The following DNAH14 variants were observed in gnomAD, a reference collection of about 807,000 sequenced individuals.
The protein encoded by DNAH14 is axonemal beta dynein heavy chain 14.
Under a neutral mutation model 520.9 loss-of-function variants are expected in DNAH14, and 478 were observed. That is an observed-to-expected ratio of 0.92 (90% CI 0.85 to 0.99). The LOEUF (loss-of-function observed/expected upper bound fraction) is 0.99. Ranked by LOEUF, DNAH14 falls within the 50% of genes least tolerant of loss-of-function variation. The pLI is 0.00. For synonymous variants in DNAH14, 1,581 were observed against 1,757.2 expected (o/e 0.90, Z 2.51); for missense variants, 4,831 against 5,234.5 (o/e 0.92, Z 2.38).
chr1:224,980,038 T>C (rs2062151262), intron 8 of DNAH14, among the ~76,000 whole-genome samples: 1 of 152,126 alleles, frequency 6.6e-6, no homozygotes, highest in Non-Finnish European at 1.5e-5. Flanking sequence ...ACATGCTGGC[T>C]TCAGGTGAGA....
At chr1:225,035,831 A>G (rs2449304) in intron 11 of DNAH14, among the ~76,000 whole-genome samples, 112,333 of 152,038 alleles carry the variant, frequency 0.74, 44,376 homozygotes, top group Non-Finnish European at 0.88. Context: ...TGTTCTGTAA[A>G]TATCTATTAG....
At chr1:225,352,611 T>C (rs1166674085) in intron 72 of DNAH14, among the ~76,000 whole-genome samples, 1 of 152,128 alleles carries the variant, frequency 6.6e-6, no homozygotes, top group Non-Finnish European at 1.5e-5. Flanking sequence ...CCATTTTCCA[T>C]AGGAGTATTG....
intron 1 of DNAH14, among the ~76,000 whole-genome samples, chr1:224,944,215 C>T (rs960805167): frequency 6.6e-6 from 1 of 152,178 alleles, no homozygotes; most frequent in Non-Finnish European, 1.5e-5. Context: ...ATAGTTAGCT[C>T]TTCTTGTTGA....
chr1:225,011,894 C>G (rs188047370), intron 10 of DNAH14, among the ~76,000 whole-genome samples: 266 of 150,664 alleles, frequency 1.8e-3, no homozygotes, highest in Non-Finnish European at 2.9e-3. Flanking sequence ...TGGATCTTGA[C>G]TCTTTATCTG....
chr1:225,257,814 CGT>C (rs923225502), intron 44 of DNAH14, 144 bp from the exon 45 acceptor site: 7 of 605,806 alleles, frequency 1.2e-5, no homozygotes, highest in Non-Finnish European at 1.8e-5. Context: ...GGATTACAGG[CGT>C]GAGCCACCGT....
At chr1:225,200,476 T>C (rs1259486575) in intron 38 of DNAH14, among the ~76,000 whole-genome samples, 1 of 152,138 alleles carries the variant, frequency 6.6e-6, no homozygotes, top group Non-Finnish European at 1.5e-5. Flanking sequence ...TTTTGATGTT[T>C]TTCCAGGATT....
chr1:225,183,904 C>T (rs890924993), intron 36 of DNAH14, among the ~76,000 whole-genome samples: 10 of 151,998 alleles, frequency 6.6e-5, no homozygotes, highest in African/African-American at 2.4e-4. Flanking sequence ...AGACCCACAA[C>T]ACGTTCCAAA....
intron 73 of DNAH14, among the ~76,000 whole-genome samples, chr1:225,354,927 C>T (rs1212931354): frequency 6.6e-6 from 1 of 152,158 alleles, no homozygotes; most frequent in Non-Finnish European, 1.5e-5. Context: ...CAAAATATGA[C>T]TGCATCTGGC....
intron 1 of DNAH14, among the ~76,000 whole-genome samples, chr1:224,939,473 A>G (rs2059263437): frequency 6.6e-6 from 1 of 152,156 alleles, no homozygotes; most frequent in Non-Finnish European, 1.5e-5. Flanking sequence ...GATTGAGACC[A>G]TCCTGGCTAA....
At chr1:225,120,700 G>A (rs549704256) in intron 26 of DNAH14, among the ~76,000 whole-genome samples, 1 of 152,192 alleles carries the variant, frequency 6.6e-6, no homozygotes, top group Non-Finnish European at 1.5e-5. Context: ...TGCAGTTTCA[G>A]TCTTACCCCT....
chr1:225,235,401 A>G (rs590598), intron 42 of DNAH14, among the ~76,000 whole-genome samples: 31,584 of 152,056 alleles, frequency 0.21, 3,464 homozygotes, highest in East Asian at 0.37. Flanking sequence ...CAGCTTGATT[A>G]TGGTGGATAA....
intron 1 of DNAH14, among the ~76,000 whole-genome samples, chr1:224,950,407 A>G (rs927472041): frequency 1.3e-5 from 2 of 152,224 alleles, no homozygotes; most frequent in Non-Finnish European, 2.9e-5. Flanking sequence ...TTGACTCTGT[A>G]TAAAATTCTT....
chr1:224,976,534 A>G (rs1336851392), intron 8 of DNAH14, among the ~76,000 whole-genome samples: 1 of 152,228 alleles, frequency 6.6e-6, no homozygotes, highest in African/African-American at 2.4e-5. Flanking sequence ...AGAAACTACC[A>G]TCAAAGTGAA....
At position 225,351,697 on chromosome 1, in the gene DNAH14, A is replaced by C. The variant is rs560876409; in HGVS notation, c.11347A>C (p.Arg3783=). The change falls in exon 72 of 86, where the codon AGG becomes CGG. Residue 3783 remains arginine, a synonymous_variant. Transcript: ENST00000682510. ...ACATCTTCAGTGGCTGTCAGATTCC[A>C]GGTGGAGGCAGTGCCAATATGTCAG... ...SQHLQWLSDS[R]WRQCQYVSTH... is the part of the protein sequence containing the mutation. The C allele has an allele frequency of 6.4e-7, 1 of 1,550,392 alleles. No homozygotes were observed. Among genetic ancestry groups the C allele is most frequent in the Non-Finnish European group, 8.7e-7 (1 of 1,146,172 alleles).
In DNAH14 at chr1:225,207,105, G is replaced by A; in HGVS notation, c.6324G>A (p.Arg2108=). Residue 2108 remains arginine, a synonymous_variant, in exon 41 of 86, where the codon AGG becomes AGA. Transcript: ENST00000682510. ...TCACAGACGGACTACAATTTATAAG[G>A]AATCGTCAGAAATTTCAGCCATATC... The part of the protein sequence containing the change: ...NSVTDGLQFI[R]NRQKFQPYPM... The A allele has an allele frequency of 1.3e-6, 2 of 1,551,032 alleles. No homozygotes were observed. Among genetic ancestry groups the A allele is most frequent in the Non-Finnish European group, 1.7e-6 (2 of 1,146,626 alleles).
chr1:225,353,390 C>T (rs1040176406), intron 72 of DNAH14, among the ~76,000 whole-genome samples: 2 of 152,016 alleles, frequency 1.3e-5, no homozygotes, highest in African/African-American at 2.4e-5. Context: ...TTTCCCATAT[C>T]GTTATAGCTG....
intron 1 of DNAH14, among the ~76,000 whole-genome samples, chr1:224,939,529 G>A (rs531730746): frequency 1.2e-4 from 19 of 152,004 alleles, no homozygotes; most frequent in African/African-American, 4.3e-4. Flanking sequence ...AAAAAAACAC[G>A]AAAAATTAGC....
At chr1:225,207,347 C>CAGAT (rs1162789988) in intron 41 of DNAH14, 127 bp downstream of exon 41, 4 of 885,956 alleles carry the variant, frequency 4.5e-6, no homozygotes, top group Non-Finnish European at 6.4e-6. Context: ...GGACCAACAG[C>CAGAT]AGATATGCAC....
chr1:225,062,328 G>C (rs774051058), intron 17 of DNAH14, among the ~76,000 whole-genome samples: 6 of 152,016 alleles, frequency 3.9e-5, no homozygotes, highest in Admixed American at 2.6e-4. Context: ...GAAAGAAAGA[G>C]AAATAAATAA....
Sources: allele counts gnomAD v4.1 joint callset (sites outside exome capture counted in the v4.1 genomes callset), GRCh38; gene constraint gnomAD v4.1.1; transcripts MANE v1.5; gene names NCBI Gene and HGNC (gene_info 2026-07-23, HGNC 2026-07-21).